Variants in KIAA1958 observed in about 807,000 individuals in gnomAD.
KIAA1958 encodes the protein uncharacterized protein KIAA1958.
KIAA1958 carries 14 observed loss-of-function variants against 47.2 expected under a neutral mutation model. The ratio of observed to expected loss-of-function variants is 0.30; its 90% CI spans 0.20 to 0.46. The LOEUF (loss-of-function observed/expected upper bound fraction) is 0.46. Ranked by LOEUF, KIAA1958 falls within the 20% of genes least tolerant of loss-of-function variation. The probability of loss-of-function intolerance (pLI) is 1.00; values close to 1 mark genes in which losing one functional copy is unlikely to be tolerated. For missense variants in KIAA1958, 803 were observed against 909.2 expected, an observed-to-expected ratio of 0.88 and a Z score of 1.50; for synonymous variants, 354 against 353.3, an observed-to-expected ratio of 1.00 and a Z score of -0.02.
chr9:112,526,174 A>G (rs990594059), intron 1 of KIAA1958, among the ~76,000 whole-genome samples: 2 of 61,008 alleles, frequency 3.3e-5, no homozygotes, highest in Non-Finnish European at 7.0e-5. Context: ...GAATTCTCCC[A>G]TTCCAATCAT....
At chr9:112,565,032 A>T (rs1835403542) in intron 1 of KIAA1958, among the ~76,000 whole-genome samples, 1 of 152,354 alleles carries the variant, frequency 6.6e-6, no homozygotes, top group African/African-American at 2.4e-5. Context: ...TGTCTAAAAA[A>T]TATTAGCTTT....
chr9:112,585,167 T>G (rs1835801869), intron 2 of KIAA1958, among the ~76,000 whole-genome samples: 1 of 152,216 alleles, frequency 6.6e-6, no homozygotes, highest in Non-Finnish European at 1.5e-5. Context: ...TAGGATCAAC[T>G]TTGTGACAAG....
At chr9:112,611,702 C>T (rs757485917) in intron 2 of KIAA1958, among the ~76,000 whole-genome samples, 2 of 151,898 alleles carry the variant, frequency 1.3e-5, no homozygotes, top group East Asian at 1.9e-4. Context: ...AGTGCAAATA[C>T]CAACAGGATT....
At chr9:112,607,782 G>A (rs780434265) in intron 2 of KIAA1958, among the ~76,000 whole-genome samples, 2 of 142,414 alleles carry the variant, frequency 1.4e-5, no homozygotes, top group Admixed American at 7.0e-5. Flanking sequence ...AGGCAATCCA[G>A]AGACCTGTAA....
intron 3 of KIAA1958, among the ~76,000 whole-genome samples, chr9:112,653,807 A>T (rs1332118046): frequency 6.6e-6 from 1 of 152,104 alleles, no homozygotes; most frequent in Non-Finnish European, 1.5e-5. Flanking sequence ...GGTTGAGGCA[A>T]GAGAATCGCT....
intron 1 of KIAA1958, among the ~76,000 whole-genome samples, chr9:112,544,011 A>G (rs1027460461): frequency 2.6e-5 from 4 of 152,146 alleles, no homozygotes; most frequent in Admixed American, 2.6e-4. Flanking sequence ...TATTTTGCCC[A>G]TTAACTAAAG....
intron 2 of KIAA1958, among the ~76,000 whole-genome samples, chr9:112,606,529 A>C (rs1836238679): frequency 6.6e-6 from 1 of 152,196 alleles, no homozygotes; most frequent in African/African-American, 2.4e-5. Flanking sequence ...CATTAGTAAC[A>C]ATGACTCATT....
chr9:112,531,546 A>G (rs1030551729), intron 1 of KIAA1958, among the ~76,000 whole-genome samples: 3 of 152,222 alleles, frequency 2.0e-5, no homozygotes, highest in Non-Finnish European at 4.4e-5. Context: ...ATAAAAATAA[A>G]TTGGCTTGTG....
intron 1 of KIAA1958, among the ~76,000 whole-genome samples, chr9:112,565,989 C>T (rs889637430): frequency 2.0e-5 from 3 of 152,136 alleles, no homozygotes; most frequent in African/African-American, 4.8e-5. Flanking sequence ...CTGCAAGCTC[C>T]GCCTCCCAGG....
At chr9:112,583,163 G>A (rs1835762815) in intron 2 of KIAA1958, among the ~76,000 whole-genome samples, 1 of 152,172 alleles carries the variant, frequency 6.6e-6, no homozygotes, top group Non-Finnish European at 1.5e-5. Context: ...CCCCATAGGA[G>A]AAGCCAGAAA....
chr9:112,503,430 G>A (rs190918650), intron 1 of KIAA1958, among the ~76,000 whole-genome samples: 105 of 152,010 alleles, frequency 6.9e-4, no homozygotes, highest in Non-Finnish European at 1.3e-3. Flanking sequence ...GGGGTGGGAG[G>A]ACTGCTTAAG....
rs918427078 is a variant in KIAA1958 at position 112,662,897 on chromosome 9, A to G, written c.*2828A>G. ...GAGTAGCAGTCCTCGTTGGCGTTCTAAGGCAGTTGTTCTGGCTTCCAGTCA... is the reference window on the plus strand; with the variant it reads ...GAGTAGCAGTCCTCGTTGGCGTTCTGAGGCAGTTGTTCTGGCTTCCAGTCA... On this transcript the variant is annotated 3_prime_UTR_variant, in exon 4 of 4. Coordinates refer to ENST00000337530, the MANE Select transcript of KIAA1958 (RefSeq NM_133465.4). The G allele has an allele frequency of 6.6e-6, 1 of 152,234 alleles. No homozygotes were observed. The highest frequency in any genetic ancestry group is 6.5e-5 in the Admixed American group (1 of 15,278). The allele number at this position is 152,234 out of a possible 1,614,324, so 9.4% of individuals were successfully genotyped here.
chr9:112,553,161 C>T (rs535984329), intron 1 of KIAA1958, among the ~76,000 whole-genome samples: 22 of 139,632 alleles, frequency 1.6e-4, no homozygotes, highest in Non-Finnish European at 3.0e-4. Flanking sequence ...CCTCCCCTGC[C>T]CTCTCCCCTC....
intron 3 of KIAA1958, 147 bp from the exon 4 acceptor site, chr9:112,659,116 C>T: frequency 1.5e-6 from 1 of 658,708 alleles, no homozygotes; most frequent in Non-Finnish European, 2.6e-6. Context: ...CTAGATCTTC[C>T]AGTTTGAAAT....
intron 3 of KIAA1958, among the ~76,000 whole-genome samples, chr9:112,658,355 C>G (rs1022429086): frequency 5.9e-5 from 9 of 152,126 alleles, no homozygotes; most frequent in South Asian, 2.1e-4. Context: ...TCAAGGAAAT[C>G]AATGATGAAG....
At chr9:112,567,994 T>C (rs1168058019) in intron 1 of KIAA1958, among the ~76,000 whole-genome samples, 1 of 110,602 alleles carries the variant, frequency 9.0e-6, no homozygotes, top group African/African-American at 3.5e-5. Context: ...ATCCCGAAAA[T>C]ACAATTCTGG....
chr9:112,639,033 A>G (rs1009895201), intron 2 of KIAA1958, among the ~76,000 whole-genome samples: 8 of 152,320 alleles, frequency 5.3e-5, no homozygotes, highest in African/African-American at 1.9e-4. Context: ...AGCCTGATGT[A>G]GCATCACCTG....
Position 112,621,600 on chromosome 9 carries a change from A to C in KIAA1958, c.1172-24050A>C, listed in dbSNP as rs552595488. Among the ~76,000 whole-genome samples the C allele has an allele frequency of 2.0e-5, 3 of 152,336 alleles. No homozygotes were observed. The East Asian group carries it at 5.8e-4, about 29-fold the overall frequency. On this transcript the variant is annotated intron_variant, in intron 2 of 3. Coordinates refer to ENST00000337530, the MANE Select transcript of KIAA1958 (RefSeq NM_133465.4). ...TTGCATCTTCATTTAGAAAAACACA[A>C]ATTGGGAATGTGAATTATTTTTATT...
At position 112,574,796 on chromosome 9, in the gene KIAA1958, A is replaced by G; in HGVS notation, c.716A>G (p.Gln239Arg). The G allele has an allele frequency of 6.2e-7, 1 of 1,614,174 alleles. No individual in the cohort carries two copies. Among genetic ancestry groups the G allele is most frequent in the Non-Finnish European group, 8.5e-7 (1 of 1,180,004 alleles). ...SLTQMAKPKP[Q>R]THAGPSCVGS... ...ACACAGATGGCAAAACCCAAGCCTC[A>G]GACTCACGCTGGTCCCTCCTGTGTA... is the stretch of plus-strand genomic sequence containing the variant. The change falls in exon 2 of 4, where the codon CAG becomes CGG. Residue 239 changes from glutamine (Q) to arginine (R), a missense_variant. Coordinates refer to ENST00000337530, the MANE Select transcript of KIAA1958 (RefSeq NM_133465.4).
Sources: allele counts gnomAD v4.1 joint callset (sites outside exome capture counted in the v4.1 genomes callset), GRCh38; gene constraint gnomAD v4.1.1; transcripts MANE v1.5; gene names NCBI Gene and HGNC (gene_info 2026-07-23, HGNC 2026-07-21).